RNFT2: variants seen among roughly 807,000 people sequenced by gnomAD.
RNFT2 encodes the protein E3 ubiquitin-protein ligase RNFT2.
Under a neutral mutation model 53.0 loss-of-function variants are expected in RNFT2, and 36 were observed. That is an observed-to-expected ratio of 0.68 (90% confidence interval 0.52 to 0.90). The LOEUF (loss-of-function observed/expected upper bound fraction) is 0.90. Among genes scored for constraint, RNFT2 ranks in the 40% least tolerant of loss-of-function variants. RNFT2 has a pLI of 0.00. For synonymous variants in RNFT2, 260 were observed against 253.2 expected (o/e 1.03, Z -0.26); for missense variants, 514 against 585.6 (o/e 0.88, Z 1.26).
Position 116,753,985 on chromosome 12 carries a change from C to CATTG in RNFT2, c.553_556dup (p.Ala186AspfsTer74). The CATTG allele has an allele frequency of 6.2e-7, 1 of 1,613,722 alleles. No homozygotes were observed. The highest frequency in any genetic ancestry group is 8.5e-7 in the Non-Finnish European group (1 of 1,179,680). On this transcript the variant is annotated frameshift_variant and splice_region_variant, in exon 5 of 11. Coordinates refer to ENST00000257575, the MANE Select transcript of RNFT2 (RefSeq NM_001382266.1). LOFTEE classifies it high-confidence loss of function. ...ATCAGGCCCTTCTCTGTCCCACAGG[C>CATTG]ATTGCTGTGTGCATCGGGATGGCCA...
intron 5 of RNFT2, chr12:116,755,324 C>G: frequency 2.9e-6 from 2 of 686,356 alleles, no homozygotes; most frequent in South Asian, 1.6e-5. Flanking sequence ...CTATTCTGTT[C>G]CATTGGTCTA....
At chr12:116,768,866 G>T (rs1418940161) in intron 6 of RNFT2, among the ~76,000 whole-genome samples, 1 of 151,688 alleles carries the variant, frequency 6.6e-6, no homozygotes, top group African/African-American at 2.4e-5. Context: ...AAATAGCTGG[G>T]ATTACAGGTG....
chr12:116,764,503 A>G (rs1488293930), intron 5 of RNFT2, among the ~76,000 whole-genome samples: 1 of 152,116 alleles, frequency 6.6e-6, no homozygotes, highest in Non-Finnish European at 1.5e-5. Flanking sequence ...TTTGCACATG[A>G]GCACATTGAG....
intron 7 of RNFT2, among the ~76,000 whole-genome samples, chr12:116,792,113 A>G (rs774370824): frequency 3.3e-5 from 5 of 152,076 alleles, no homozygotes; most frequent in African/African-American, 2.4e-5. Context: ...TCAGTGGCAC[A>G]ATTTTGGCTC....
intron 7 of RNFT2, among the ~76,000 whole-genome samples, chr12:116,810,984 C>T (rs1239484811): frequency 6.6e-6 from 1 of 152,194 alleles, no homozygotes; most frequent in East Asian, 1.9e-4. Flanking sequence ...TTGGAAAGAG[C>T]TTGGGCTCTG....
intron 7 of RNFT2, among the ~76,000 whole-genome samples, chr12:116,795,811 G>A (rs1042132604): frequency 9.2e-5 from 14 of 152,182 alleles, no homozygotes; most frequent in Non-Finnish European, 1.5e-4. Context: ...TGGAGTCAAC[G>A]AAACTGGGGT....
At chr12:116,746,588 G>A (rs1004228618) in intron 3 of RNFT2, among the ~76,000 whole-genome samples, 5 of 152,238 alleles carry the variant, frequency 3.3e-5, no homozygotes, top group Middle Eastern at 3.4e-3. Flanking sequence ...GATGGGGTAC[G>A]GGTTAGGGGA....
At chr12:116,743,236 AAAAAAAAACCG>A (rs1871718870) in intron 3 of RNFT2, among the ~76,000 whole-genome samples, 2 of 113,666 alleles carry the variant, frequency 1.8e-5, no homozygotes, top group Non-Finnish European at 3.8e-5. Flanking sequence ...AAAAAAAAAA[AAAAAAAAACCG>A]GTTAAAAAAC....
chr12:116,819,620 C>T (rs945665415), intron 7 of RNFT2, among the ~76,000 whole-genome samples: 26 of 152,298 alleles, frequency 1.7e-4, no homozygotes, highest in Middle Eastern at 6.8e-3. Context: ...CGGGTGGTGA[C>T]GTCACCGGCA....
chr12:116,842,042 G>T (rs1158140548), intron 10 of RNFT2, among the ~76,000 whole-genome samples: 2 of 147,368 alleles, frequency 1.4e-5, no homozygotes, highest in Non-Finnish European at 3.0e-5. Flanking sequence ...CTTACAGGCT[G>T]CAGTCAAGGT....
At position 116,852,857 on chromosome 12, in the gene RNFT2, A is replaced by C. The variant is rs1467600149; in HGVS notation, c.*3409A>C. ...ACCTGCTGGAACCAAGGAAACTAAC[A>C]ATGTAGGTTACTAGTGAATACCCCA... On this transcript the variant is annotated 3_prime_UTR_variant, in exon 11 of 11. Transcript: ENST00000257575. 3 of 741,234 alleles carry C rather than the reference A, an allele frequency of 4.0e-6. No individual in the cohort carries two copies. Among genetic ancestry groups the C allele is most frequent in the Non-Finnish European group, 6.8e-6 (3 of 444,230 alleles). The allele number at this position is 741,234 out of a possible 1,614,324, so 45.9% of individuals were successfully genotyped here. A position where few individuals can be genotyped will look rare whatever the true frequency, so the allele number is the denominator to read the frequency against.
intron 4 of RNFT2, among the ~76,000 whole-genome samples, chr12:116,753,030 C>G (rs769295475): frequency 1.3e-5 from 2 of 151,988 alleles, no homozygotes; most frequent in Non-Finnish European, 2.9e-5. Context: ...AATTCAATTC[C>G]GTTCTGCCAT....
chr12:116,819,870 GTAGTCACACAGAC>G (rs1394409282), intron 7 of RNFT2, among the ~76,000 whole-genome samples: 2 of 152,292 alleles, frequency 1.3e-5, no homozygotes, highest in Non-Finnish European at 2.9e-5. Context: ...AAATATAAGA[GTAGTCACACAGAC>G]GATTTTAAAT....
intron 7 of RNFT2, among the ~76,000 whole-genome samples, chr12:116,824,471 C>A (rs1876219534): frequency 6.6e-6 from 1 of 152,162 alleles, no homozygotes; most frequent in Non-Finnish European, 1.5e-5. Flanking sequence ...CAAAGATAAG[C>A]AGCCCGAGCC....
chr12:116,792,646 T>A (rs984311650), intron 7 of RNFT2, among the ~76,000 whole-genome samples: 1 of 152,156 alleles, frequency 6.6e-6, no homozygotes, highest in Non-Finnish European at 1.5e-5. Flanking sequence ...GTGATGTGAA[T>A]AGTCTTCCCC....
chr12:116,826,091 A>G (rs1269779061), intron 7 of RNFT2, among the ~76,000 whole-genome samples: 1 of 151,988 alleles, frequency 6.6e-6, no homozygotes, highest in Non-Finnish European at 1.5e-5. Flanking sequence ...CAAGTCTTCA[A>G]ATCATCTTTC....
chr12:116,790,234 T>G (rs1206940356), intron 7 of RNFT2, among the ~76,000 whole-genome samples: 1 of 152,210 alleles, frequency 6.6e-6, no homozygotes, highest in Non-Finnish European at 1.5e-5. Flanking sequence ...TAAATATTGC[T>G]GAGCATTTAT....
chr12:116,794,347 C>T (rs1874383101), intron 7 of RNFT2, among the ~76,000 whole-genome samples: 1 of 152,000 alleles, frequency 6.6e-6, no homozygotes, highest in Non-Finnish European at 1.5e-5. Flanking sequence ...TTTGTAATCC[C>T]AGCACTTTGG....
intron 7 of RNFT2, among the ~76,000 whole-genome samples, chr12:116,815,107 G>A (rs1875586663): frequency 6.6e-6 from 1 of 152,082 alleles, no homozygotes; most frequent in African/African-American, 2.4e-5. Context: ...GATGTAGCCG[G>A]TCCTAGTAGT....
Sources: gnomAD v4.1 joint callset for allele counts (sites outside exome capture counted in the v4.1 genomes callset) on GRCh38, gnomAD v4.1.1 for gene constraint, MANE v1.5 for transcripts, NCBI Gene and HGNC (gene_info 2026-07-23, HGNC 2026-07-21) for gene names.